XRCC5: variants seen among roughly 807,000 people sequenced by gnomAD.
XRCC5 encodes DNA repair protein Ku80.
Under a neutral mutation model 95.7 loss-of-function variants are expected in XRCC5, and 12 were observed. The observed-to-expected ratio is 0.13, with a 90% CI of 0.08 to 0.20. XRCC5 has a LOEUF of 0.20. Ranked by LOEUF, XRCC5 falls within the 10% of genes least tolerant of loss-of-function variation. The pLI, the probability that XRCC5 is intolerant of heterozygous loss-of-function variation, is 1.00. For synonymous variants in XRCC5, 281 were observed against 290.3 expected, an observed-to-expected ratio of 0.97 and a Z score of 0.33; for missense variants, 595 against 873.9, an observed-to-expected ratio of 0.68 and a Z score of 4.02.
chr2:216,178,423 G>A (rs923962595), intron 16 of XRCC5, among the ~76,000 whole-genome samples: 1 of 152,192 alleles, frequency 6.6e-6, no homozygotes, highest in Non-Finnish European at 1.5e-5. Flanking sequence ...CTGATGCCCT[G>A]TATTGTGATC....
At chr2:216,193,120 C>T (rs1195676594) in intron 18 of XRCC5, among the ~76,000 whole-genome samples, 1 of 152,160 alleles carries the variant, frequency 6.6e-6, no homozygotes, top group Non-Finnish European at 1.5e-5. Flanking sequence ...TGACCTCACC[C>T]AGGTTTTATC....
intron 16 of XRCC5, among the ~76,000 whole-genome samples, chr2:216,169,963 C>T (rs575485419): frequency 2.9e-5 from 4 of 137,430 alleles, no homozygotes; most frequent in South Asian, 2.4e-4. Context: ...TGCTTGAACC[C>T]GGGAGGCGGA....
intron 16 of XRCC5, among the ~76,000 whole-genome samples, chr2:216,163,331 G>T (rs1044343670): frequency 1.3e-5 from 2 of 149,848 alleles, no homozygotes; most frequent in Non-Finnish European, 3.0e-5. Context: ...TCTTTTTTTT[G>T]GGGGGACAGA....
chr2:216,125,725 C>T (rs974074637), intron 6 of XRCC5, among the ~76,000 whole-genome samples, 192 bp from the exon 7 acceptor site: 2 of 152,172 alleles, frequency 1.3e-5, no homozygotes, highest in Admixed American at 1.3e-4. Context: ...CTCCTCTTCC[C>T]TTCTAAGCCA....
intron 16 of XRCC5, among the ~76,000 whole-genome samples, chr2:216,168,975 C>A (rs1323581315): frequency 6.6e-6 from 1 of 152,206 alleles, no homozygotes; most frequent in African/African-American, 2.4e-5. Context: ...GCCTTCTTTT[C>A]CTACACTTTT....
intron 6 of XRCC5, among the ~76,000 whole-genome samples, chr2:216,125,282 C>T (rs993676090): frequency 6.6e-6 from 1 of 151,702 alleles, no homozygotes; most frequent in African/African-American, 2.4e-5. Flanking sequence ...ACCGCAACCT[C>T]CGCCTCCCAG....
chr2:216,137,483 CATA>C (rs71401136), intron 11 of XRCC5, among the ~76,000 whole-genome samples: 9,531 of 152,166 alleles, frequency 0.063, 433 homozygotes, highest in Middle Eastern at 0.099. Context: ...TATAAAGTAT[CATA>C]AGAATCTTTT....
chr2:216,118,549 A>G (rs930850200), intron 4 of XRCC5, among the ~76,000 whole-genome samples: 2 of 152,126 alleles, frequency 1.3e-5, no homozygotes, highest in Non-Finnish European at 2.9e-5. Flanking sequence ...ATGTGCATGT[A>G]CACATACCTC....
At chr2:216,128,377 CTG>C (rs1034756539) in intron 8 of XRCC5, among the ~76,000 whole-genome samples, 2 of 152,114 alleles carry the variant, frequency 1.3e-5, no homozygotes, top group African/African-American at 4.8e-5. Context: ...TTCTTTTCCT[CTG>C]TGACACTGTA....
intron 8 of XRCC5, 36 bp from the exon 9 acceptor site, chr2:216,130,839 C>G: frequency 7.0e-7 from 1 of 1,437,220 alleles, no homozygotes; most frequent in Non-Finnish European, 9.7e-7. Context: ...AATGAGGCCC[C>G]ATATGCTTAA....
At chr2:216,178,086 A>T (rs1689311098) in intron 16 of XRCC5, among the ~76,000 whole-genome samples, 2 of 152,242 alleles carry the variant, frequency 1.3e-5, no homozygotes, top group African/African-American at 4.8e-5. Flanking sequence ...AAGGAATAAA[A>T]CAAAAAAGAA....
intron 14 of XRCC5, among the ~76,000 whole-genome samples, chr2:216,158,026 A>G (rs1688879253): frequency 6.6e-6 from 1 of 152,212 alleles, no homozygotes; most frequent in Admixed American, 6.5e-5. Flanking sequence ...TGTGTTGTGC[A>G]TATGACTGGG....
At chr2:216,148,371 A>T (rs1688678688) in intron 14 of XRCC5, 95 bp downstream of exon 14, 27 of 1,176,208 alleles carry the variant, frequency 2.3e-5, no homozygotes, top group Non-Finnish European at 3.1e-5. Flanking sequence ...GGGTCTATGG[A>T]ATTTAAAAGG....
intron 17 of XRCC5, among the ~76,000 whole-genome samples, chr2:216,192,363 T>G (rs1191954784): frequency 1.3e-5 from 2 of 152,114 alleles, no homozygotes; most frequent in Non-Finnish European, 2.9e-5. Context: ...TGTTTTTGTT[T>G]GGGATTTTCT....
intron 15 of XRCC5, 24 bp downstream of exon 15, chr2:216,160,185 C>T (rs1179675473): frequency 6.9e-5 from 106 of 1,530,374 alleles, no homozygotes; most frequent in Non-Finnish European, 9.1e-5. Flanking sequence ...TTCAAGTGCG[C>T]TTCCCCCTTT....
intron 2 of XRCC5, 40 bp from the exon 3 acceptor site, chr2:216,116,619 G>C (rs41297774): frequency 6.2e-7 from 1 of 1,612,076 alleles, no homozygotes; most frequent in East Asian, 2.2e-5. Flanking sequence ...CTTCCAGATT[G>C]TTCTAATATG....
At chr2:216,187,813 ACACACACACTCTCTCT>A (rs1159427134) in intron 16 of XRCC5, among the ~76,000 whole-genome samples, 3 of 107,940 alleles carry the variant, frequency 2.8e-5, no homozygotes, top group East Asian at 2.7e-4. Flanking sequence ...ACACACACAC[ACACACACACTCTCTCT>A]CTCTCTCTCT....
intron 16 of XRCC5, among the ~76,000 whole-genome samples, chr2:216,166,420 C>T (rs756165364): frequency 6.6e-6 from 1 of 152,162 alleles, no homozygotes; most frequent in Non-Finnish European, 1.5e-5. Context: ...CCAAGTCCAG[C>T]TCAGAAAAAA....
chr2:216,178,969 A>T (rs1689330039), intron 16 of XRCC5, among the ~76,000 whole-genome samples: 1 of 152,236 alleles, frequency 6.6e-6, no homozygotes, highest in South Asian at 2.1e-4. Flanking sequence ...TCATACCAAG[A>T]TACAGACAGT....
Sources: gnomAD v4.1 joint callset for allele counts (sites outside exome capture counted in the v4.1 genomes callset) on GRCh38, gnomAD v4.1.1 for gene constraint, MANE v1.5 for transcripts, NCBI Gene and HGNC (gene_info 2026-07-23, HGNC 2026-07-21) for gene names.